CCNYL1: variants seen among roughly 807,000 people sequenced by gnomAD.
CCNYL1 encodes the protein cyclin-Y-like protein 1.
A neutral mutation model predicts 44.2 loss-of-function variants in CCNYL1; 16 were observed. The ratio of observed to expected loss-of-function variants is 0.36; its 90% CI spans 0.25 to 0.55. The LOEUF is 0.55. Ranked by LOEUF, CCNYL1 falls within the 20% of genes least tolerant of loss-of-function variation. CCNYL1 has a pLI of 0.85. For synonymous variants in CCNYL1, 159 were observed against 163.2 expected (o/e 0.97, Z 0.20); for missense variants, 348 against 451.8 (o/e 0.77, Z 2.08).
At chr2:207,753,477 CTG>C (rs1001717890) in intron 9 of CCNYL1, 109 bp from the exon 10 acceptor site, 7 of 664,964 alleles carry the variant, frequency 1.1e-5, no homozygotes, top group East Asian at 7.9e-5. Flanking sequence ...GTAGCTGTAA[CTG>C]TGAACTATCT....
intron 1 of CCNYL1, among the ~76,000 whole-genome samples, chr2:207,713,232 A>G (rs2091567480): frequency 6.6e-6 from 1 of 152,214 alleles, no homozygotes; most frequent in South Asian, 2.1e-4. Flanking sequence ...TCCTTGTTCT[A>G]AAAGAGAGGT....
At chr2:207,742,488 C>T (rs969555140) in intron 7 of CCNYL1, 146 bp downstream of exon 7, 3 of 734,828 alleles carry the variant, frequency 4.1e-6, no homozygotes, top group Non-Finnish European at 6.5e-6. Context: ...TACGTACATT[C>T]GCGTTTAATC....
chr2:207,744,719 G>A (rs929216667), intron 7 of CCNYL1, among the ~76,000 whole-genome samples: 9 of 152,078 alleles, frequency 5.9e-5, no homozygotes, highest in African/African-American at 1.9e-4. Context: ...TAGATTTTGA[G>A]CAGGGGAGTG....
At chr2:207,749,191 A>G (rs1205203357) in intron 8 of CCNYL1, among the ~76,000 whole-genome samples, 9 of 152,326 alleles carry the variant, frequency 5.9e-5, no homozygotes, top group African/African-American at 2.2e-4. Context: ...TGCCCAGGGA[A>G]GCACCAGGAG....
Position 207,712,043 on chromosome 2 carries a change from G to A in CCNYL1, c.147G>A (p.Glu49=), listed in dbSNP as rs1359321405. 2.4e-5 allele frequency: 37 copies of A among 1,544,064 alleles called. No homozygotes were observed. Among genetic ancestry groups the A allele is most frequent in the Non-Finnish European group, 3.2e-5 (37 of 1,146,624 alleles). Residue 49 remains glutamate, a synonymous_variant, in exon 1 of 10, where the codon GAG becomes GAA. Transcript: ENST00000295414. ...DAVAVAPAVV[E]PAELDFGEGE... ...TGGCGGTAGCGCCCGCTGTGGTGGA[G>A]CCTGCCGAGTTGGATTTCGGAGAGG...
At chr2:207,738,877 A>G (rs2091786174) in intron 5 of CCNYL1, among the ~76,000 whole-genome samples, 1 of 151,626 alleles carries the variant, frequency 6.6e-6, no homozygotes, top group Admixed American at 6.6e-5. Flanking sequence ...ATACCACCAT[A>G]CCAGCTAATT....
rs1430733355 is a variant in CCNYL1, at chr2:207,754,743, T to C, written c.*1045T>C. 1 of 153,918 alleles carries C rather than the reference T, an allele frequency of 6.5e-6. No homozygotes were observed. The highest frequency in any genetic ancestry group is 2.4e-5 in the African/African-American group (1 of 41,416). 9.5% of individuals were successfully genotyped at this position (153,918 alleles called of 1,614,324 possible). A position where few individuals can be genotyped will look rare whatever the true frequency, so the allele number is the denominator to read the frequency against. On this transcript the variant is annotated 3_prime_UTR_variant, in exon 10 of 10. Coordinates refer to ENST00000295414, the MANE Select transcript of CCNYL1 (RefSeq NM_001330218.2). ...CCTAGAACTTCCTGGTCTCAAGCCA[T>C]CCTCTAGCCTCAGCCACACAAGTAG...
At chr2:207,736,202 A>G (rs971800528) in intron 4 of CCNYL1, among the ~76,000 whole-genome samples, 2 of 152,234 alleles carry the variant, frequency 1.3e-5, no homozygotes, top group African/African-American at 4.8e-5. Context: ...CAATTTGGAC[A>G]TGAAAATGTT....
In CCNYL1 at chr2:207,712,770, TA is replaced by T. The variant is rs548703682; in HGVS notation, c.220+658del. Among the ~76,000 whole-genome samples, 1,288 of 151,546 alleles carry T rather than the reference TA, an allele frequency of 8.5e-3. 11 individuals carry two copies. The highest frequency in any genetic ancestry group is 0.015 in the Non-Finnish European group (1,048 of 67,814). On this transcript the variant is annotated intron_variant, in intron 1 of 9. Transcript: ENST00000295414. The stretch of plus-strand genomic sequence containing the variant: ...AAGAAAGAAAATGGGGGGAGGGGCG[TA>T]AAATGACTGTGAAGGGTGTGAGAGG...
At chr2:207,712,554 G>A (rs2091559063) in intron 1 of CCNYL1, among the ~76,000 whole-genome samples, 1 of 152,090 alleles carries the variant, frequency 6.6e-6, no homozygotes, top group African/African-American at 2.4e-5. Context: ...CCAGGTAAGG[G>A]TCTGATTGTT....
chr2:207,718,751 C>T (rs2091616893), intron 1 of CCNYL1, among the ~76,000 whole-genome samples: 1 of 152,068 alleles, frequency 6.6e-6, no homozygotes, highest in African/African-American at 2.4e-5. Context: ...GGTTTGACTC[C>T]CTGAAGAGGA....
intron 7 of CCNYL1, among the ~76,000 whole-genome samples, chr2:207,743,375 G>A (rs2091826369): frequency 6.6e-6 from 1 of 152,142 alleles, no homozygotes; most frequent in Admixed American, 6.5e-5. Context: ...TGAATGTACC[G>A]GACTGGAGCA....
chr2:207,718,782 T>C (rs1575208784), intron 1 of CCNYL1, among the ~76,000 whole-genome samples: 1 of 152,208 alleles, frequency 6.6e-6, no homozygotes, highest in Admixed American at 6.5e-5. Context: ...ATCTCAAACA[T>C]TGCAAATGCA....
intron 1 of CCNYL1, among the ~76,000 whole-genome samples, chr2:207,713,330 T>C (rs1322595404): frequency 6.6e-6 from 1 of 152,210 alleles, no homozygotes; most frequent in Admixed American, 6.5e-5. Flanking sequence ...GTTAAAATGC[T>C]AGACCCTGCC....
chr2:207,751,849 C>G (rs1482617298), intron 9 of CCNYL1, among the ~76,000 whole-genome samples: 1 of 135,360 alleles, frequency 7.4e-6, no homozygotes, highest in East Asian at 2.2e-4. Flanking sequence ...AGCGAAACTC[C>G]ATCTCAAAAA....
intron 1 of CCNYL1, among the ~76,000 whole-genome samples, chr2:207,719,552 C>T (rs537215227): frequency 1.3e-5 from 2 of 152,304 alleles, no homozygotes; most frequent in South Asian, 4.1e-4. Context: ...CTGCCCACCT[C>T]AGCCTCCCAA....
intron 5 of CCNYL1, among the ~76,000 whole-genome samples, chr2:207,739,167 G>C (rs1332134314): frequency 6.6e-6 from 1 of 152,140 alleles, no homozygotes; most frequent in Admixed American, 6.5e-5. Context: ...TTGAAAGCTT[G>C]AATTTTATCA....
intron 6 of CCNYL1, 52 bp from the exon 7 acceptor site, chr2:207,742,171 T>C: frequency 1.3e-6 from 2 of 1,519,498 alleles, no homozygotes; most frequent in East Asian, 2.3e-5. Context: ...AAAAAAAAGC[T>C]TAAAATTTTT....
Position 207,755,448 on chromosome 2 carries a change from G to A in CCNYL1, c.*1750G>A, listed in dbSNP as rs1029538694. ...GTTTGTAGCATTTATATTTCTACAA[G>A]TATCAAAGCTTAAAATTACACTGAA... On this transcript the variant is annotated 3_prime_UTR_variant, in exon 10 of 10. Coordinates refer to ENST00000295414, the MANE Select transcript of CCNYL1 (RefSeq NM_001330218.2). 2 of 152,140 alleles carry A rather than the reference G, an allele frequency of 1.3e-5. No homozygotes were observed. The highest frequency in any genetic ancestry group is 6.5e-5 in the Admixed American group (1 of 15,268). 9.4% of individuals were successfully genotyped at this position (152,140 alleles called of 1,614,324 possible). A position where few individuals can be genotyped will look rare whatever the true frequency, so the allele number is the denominator to read the frequency against.
Sources: gnomAD v4.1 joint callset for allele counts (sites outside exome capture counted in the v4.1 genomes callset) on GRCh38, gnomAD v4.1.1 for gene constraint, MANE v1.5 for transcripts, NCBI Gene and HGNC (gene_info 2026-07-23, HGNC 2026-07-21) for gene names.